RRM2B: variants seen among roughly 807,000 people sequenced by gnomAD.
RRM2B encodes the protein ribonucleoside-diphosphate reductase subunit M2 B.
RRM2B carries 20 observed loss-of-function variants against 45.9 expected under a neutral mutation model. The observed-to-expected ratio is 0.44, with a 90% CI of 0.31 to 0.63. The LOEUF (loss-of-function observed/expected upper bound fraction) is 0.63. Among genes scored for constraint, RRM2B ranks in the 30% least tolerant of loss-of-function variants. The pLI, the probability that RRM2B is intolerant of heterozygous loss-of-function variation, is 0.09. For synonymous variants in RRM2B, 124 were observed against 132.3 expected, an observed-to-expected ratio of 0.94 and a Z score of 0.43; for missense variants, 320 against 414.7, an observed-to-expected ratio of 0.77 and a Z score of 1.98.
chr8:102,225,688 C>T (rs1483421653), intron 3 of RRM2B, among the ~76,000 whole-genome samples: 1 of 152,190 alleles, frequency 6.6e-6, no homozygotes, highest in Non-Finnish European at 1.5e-5. Context: ...AAAAATCAAA[C>T]TCATGTTAAT....
At chr8:102,226,826 G>A (rs1810940914) in intron 2 of RRM2B, among the ~76,000 whole-genome samples, 1 of 151,966 alleles carries the variant, frequency 6.6e-6, no homozygotes, top group African/African-American at 2.4e-5. Flanking sequence ...CAATCCTCCT[G>A]CCTCAGCCTC....
chr8:102,208,059 T>A lies in RRM2B; in HGVS notation c.*74A>T. 19 of 1,306,912 alleles carry A rather than the reference T, an allele frequency of 1.5e-5. No homozygotes were observed. The highest frequency in any genetic ancestry group is 2.1e-5 in the Non-Finnish European group (19 of 918,148). The allele number at this position is 1,306,912 out of a possible 1,614,324, so 81.0% of individuals were successfully genotyped here. A position where few individuals can be genotyped will look rare whatever the true frequency, so the allele number is the denominator to read the frequency against. ...AGTCCTTTAAAGGATATACTTAAAA[T>A]TTTTTTTAAGCAGAGGAAAATAGAC... On this transcript the variant is annotated 3_prime_UTR_variant, in exon 9 of 9. Transcript: ENST00000251810.
intron 8 of RRM2B, among the ~76,000 whole-genome samples, chr8:102,211,192 C>T (rs978937839): frequency 6.6e-5 from 10 of 152,098 alleles, no homozygotes; most frequent in South Asian, 2.1e-4. Context: ...TGTAGGATTT[C>T]GCCATGTTGC....
chr8:102,236,501 T>C (rs1395752305), intron 1 of RRM2B, among the ~76,000 whole-genome samples: 2 of 152,182 alleles, frequency 1.3e-5, no homozygotes, highest in Non-Finnish European at 2.9e-5. Flanking sequence ...GCAGTTAGCA[T>C]GAAAAAAGCA....
rs1431424314 is a variant in RRM2B at position 102,232,220 on chromosome 8, AGAT to A, written c.130_132del (p.Ile44del). ...CAAATATCAGGGTACTGGATTGGAA[AGAT>A]GACAAACCGGCGAGAACTCTTTCTT... On this transcript the variant is annotated inframe_deletion, in exon 2 of 9. Transcript: ENST00000251810. 1.2e-6 allele frequency: 2 copies of A among 1,614,160 alleles called. No homozygotes were observed.
intron 2 of RRM2B, among the ~76,000 whole-genome samples, chr8:102,231,795 G>C (rs1811033246): frequency 2.0e-5 from 3 of 151,420 alleles, no homozygotes. Flanking sequence ...CTTGAACCCG[G>C]GAGGTGGAGT....
rs1015965483 is a variant in RRM2B, at chr8:102,238,585, C to T, written c.48+242G>A. On this transcript the variant is annotated intron_variant, in intron 1 of 8. Coordinates refer to ENST00000251810, the MANE Select transcript of RRM2B (RefSeq NM_015713.5). ...CCGGCCTGAGGCCTCCAAGCGTCGT[C>T]CTTGGCTGGCCCCGGGGCAGAGCAG... is the stretch of plus-strand genomic sequence containing the variant. 2.0e-6 allele frequency: 3 copies of T among 1,526,876 alleles called. No homozygotes were observed. The African/African-American group carries it at 4.1e-5, about 21-fold the overall frequency. 94.6% of individuals were successfully genotyped at this position (1,526,876 alleles called of 1,614,324 possible). A position where few individuals can be genotyped will look rare whatever the true frequency, so the allele number is the denominator to read the frequency against.
intron 2 of RRM2B, among the ~76,000 whole-genome samples, chr8:102,227,334 G>A (rs554234925): frequency 1.1e-4 from 17 of 152,024 alleles, no homozygotes; most frequent in African/African-American, 3.9e-4. Context: ...GTTTCACTCC[G>A]TCACCCAGTC....
Position 102,224,804 on chromosome 8 carries a change from A to G in RRM2B, c.455+81T>C, listed in dbSNP as rs928694305. 5.3e-6 allele frequency: 7 copies of G among 1,331,034 alleles called. 1 individual carries two copies. In the African/African-American group the frequency reaches 1.0e-4, roughly 19 times the overall value. 82.5% of individuals were successfully genotyped at this position (1,331,034 alleles called of 1,614,324 possible). On this transcript the variant is annotated intron_variant, in intron 4 of 8. Transcript: ENST00000251810. ...TTCCATACTTGAATAATCTTTCCTT[A>G]ACATTGAGTTTTGGAATAAATTCTG...
chr8:102,218,437 G>C (rs536681204), intron 6 of RRM2B, among the ~76,000 whole-genome samples: 19 of 152,234 alleles, frequency 1.2e-4, no homozygotes, highest in African/African-American at 3.9e-4. Context: ...AAATAAATAG[G>C]CTGGGTACAG....
intron 8 of RRM2B, among the ~76,000 whole-genome samples, chr8:102,210,092 T>C (rs1810610076): frequency 6.6e-6 from 1 of 152,344 alleles, no homozygotes; most frequent in South Asian, 2.1e-4. Context: ...GTTGTTATGA[T>C]GGTTGTACAA....
chr8:102,227,834 A>C (rs1461505018), intron 2 of RRM2B, among the ~76,000 whole-genome samples: 9 of 152,094 alleles, frequency 5.9e-5, no homozygotes, highest in African/African-American at 1.9e-4. Flanking sequence ...GAGAGAGATC[A>C]TATCTCTCAT....
intron 5 of RRM2B, 53 bp from the exon 6 acceptor site, chr8:102,219,000 T>A: frequency 1.5e-6 from 2 of 1,372,748 alleles, no homozygotes; most frequent in South Asian, 1.2e-5. Context: ...AACATTTGCA[T>A]ATATATATAT....
At chr8:102,211,480 G>A (rs1031830227) in intron 8 of RRM2B, among the ~76,000 whole-genome samples, 4 of 152,156 alleles carry the variant, frequency 2.6e-5, no homozygotes, top group Non-Finnish European at 5.9e-5. Context: ...TCCTGCAGGA[G>A]GTGGCATGTT....
At position 102,207,777 on chromosome 8, in the gene RRM2B, A is replaced by G. The variant is rs1456528563; in HGVS notation, c.*356T>C. On this transcript the variant is annotated 3_prime_UTR_variant, in exon 9 of 9. Coordinates refer to ENST00000251810, the MANE Select transcript of RRM2B (RefSeq NM_015713.5). ...CCACTCTATGAATTTAGGACCTACT[A>G]TTACTCCCATTTTAAAGATAAGTAC... 5.1e-6 allele frequency: 1 copy of G among 194,578 alleles called. No homozygotes were observed. Among genetic ancestry groups the G allele is most frequent in the African/African-American group, 2.4e-5 (1 of 42,208 alleles). 12.1% of individuals were successfully genotyped at this position (194,578 alleles called of 1,614,324 possible).
intron 8 of RRM2B, 117 bp from the exon 9 acceptor site, chr8:102,208,402 A>G (rs1463425905): frequency 1.3e-6 from 1 of 769,866 alleles, no homozygotes; most frequent in Admixed American, 2.2e-5. Context: ...GTCAGCTACA[A>G]GATCATATCA....
At chr8:102,214,333 A>G (rs1318488673) in intron 6 of RRM2B, 175 bp from the exon 7 acceptor site, 1 of 635,224 alleles carries the variant, frequency 1.6e-6, no homozygotes, top group South Asian at 1.6e-5. Flanking sequence ...TTAAATGCCA[A>G]TACAATAACC....
rs867977913 is a variant in RRM2B, at chr8:102,225,799, A to G, written c.321+119T>C. ...CATCAGAAAAACATTTAAAGAGTTA[A>G]GCTTCATCTAGTTCATTTTTTAGAC... is the stretch of plus-strand genomic sequence containing the variant. On this transcript the variant is annotated intron_variant, in intron 3 of 8. Transcript: ENST00000251810. The G allele has an allele frequency of 2.6e-5, 19 of 722,690 alleles. No homozygotes were observed. In the Middle Eastern group the frequency reaches 1.3e-3, roughly 49 times the overall value. 44.8% of individuals were successfully genotyped at this position (722,690 alleles called of 1,614,324 possible). A position where few individuals can be genotyped will look rare whatever the true frequency, so the allele number is the denominator to read the frequency against.
intron 7 of RRM2B, among the ~76,000 whole-genome samples, chr8:102,213,834 T>C (rs906999549): frequency 3.3e-5 from 5 of 152,190 alleles, no homozygotes; most frequent in Non-Finnish European, 5.9e-5. Context: ...CAGGTTTTAG[T>C]ATACATAAAA....
Sources: gnomAD v4.1 joint callset for allele counts (sites outside exome capture counted in the v4.1 genomes callset) on GRCh38, gnomAD v4.1.1 for gene constraint, MANE v1.5 for transcripts, NCBI Gene and HGNC (gene_info 2026-07-23, HGNC 2026-07-21) for gene names.